NOL4L: variants seen among roughly 807,000 people sequenced by gnomAD.
NOL4L encodes nucleolar protein 4 like, also known as nucleolar protein 4-like.
NOL4L carries 7 observed loss-of-function variants against 64.5 expected under a neutral mutation model. The observed-to-expected ratio is 0.11, with a 90% confidence interval of 0.06 to 0.20. NOL4L has a LOEUF of 0.20. NOL4L is among the 10% of genes least tolerant of loss of function. The pLI is 1.00. For synonymous variants in NOL4L, 413 were observed against 401.0 expected (o/e 1.03, Z -0.36); for missense variants, 680 against 967.1 (o/e 0.70, Z 3.94).
intron 1 of NOL4L, among the ~76,000 whole-genome samples, chr20:32,567,565 C>G (rs1413031152): frequency 6.6e-6 from 1 of 152,224 alleles, no homozygotes; most frequent in East Asian, 1.9e-4. Flanking sequence ...CTGAGTCCCC[C>G]ACAGAGGGAG....
chr20:32,473,617 G>C (rs1330435806), intron 5 of NOL4L, among the ~76,000 whole-genome samples: 1 of 152,190 alleles, frequency 6.6e-6, no homozygotes, highest in Non-Finnish European at 1.5e-5. Flanking sequence ...CAGGCGCGCA[G>C]GTTCTGCCAT....
chr20:32,492,232 T>C (rs1262231092), intron 4 of NOL4L, among the ~76,000 whole-genome samples: 1 of 152,132 alleles, frequency 6.6e-6, no homozygotes, highest in East Asian at 1.9e-4. Context: ...CCCCATACCA[T>C]GAAATATTAC....
At chr20:32,543,051 A>G (rs1020471878) in intron 1 of NOL4L, among the ~76,000 whole-genome samples, 5 of 152,268 alleles carry the variant, frequency 3.3e-5, no homozygotes, top group Non-Finnish European at 7.4e-5. Flanking sequence ...GCTAGTGATC[A>G]TTACCATGTC....
At chr20:32,454,926 T>C (rs2013330397) in intron 6 of NOL4L, among the ~76,000 whole-genome samples, 1 of 152,162 alleles carries the variant, frequency 6.6e-6, no homozygotes, top group Non-Finnish European at 1.5e-5. Context: ...CCGCCAGGCC[T>C]CTCTCCCTGG....
intron 1 of NOL4L, among the ~76,000 whole-genome samples, chr20:32,539,934 C>A (rs754449397): frequency 6.6e-6 from 1 of 152,216 alleles, no homozygotes; most frequent in African/African-American, 2.4e-5. Context: ...CTCTCCTGCC[C>A]CTCGGCCGGG....
intron 2 of NOL4L, among the ~76,000 whole-genome samples, chr20:32,527,035 T>C (rs934249263): frequency 1.3e-5 from 2 of 152,194 alleles, no homozygotes; most frequent in African/African-American, 4.8e-5. Context: ...GTTGCCTTTT[T>C]TGCCCTTATG....
chr20:32,584,534 G>A (rs1010936395), intron 1 of NOL4L, 36 bp downstream of exon 1: 263 of 1,303,558 alleles, frequency 2.0e-4, no homozygotes, highest in Non-Finnish European at 2.6e-4. Context: ...AAGCCCCGCG[G>A]CGGGACCCGC....
chr20:32,453,691 G>C lies in NOL4L; in HGVS notation c.1190C>G (p.Thr397Arg). 2 of 1,566,750 alleles carry C rather than the reference G, an allele frequency of 1.3e-6. No individual in the cohort carries two copies. The highest frequency in any genetic ancestry group is 8.7e-7 in the Non-Finnish European group (1 of 1,155,596). Residue 397 changes from threonine (T) to arginine (R), a missense_variant, in exon 7 of 11, where the codon ACA becomes AGA. This residue lies in a region of NOL4L where 254 missense variants were observed against 238.7 expected (regional missense o/e 1.06). Coordinates refer to ENST00000621426, the MANE Select transcript of NOL4L (RefSeq NM_001256798.2). The surrounding 1 kb of genome is among the most constrained non-coding windows in gnomAD (Gnocchi z 5.6). ...TEVSGCPEDLTVGRAPTADDD... is the reference protein window; with the variant it reads ...TEVSGCPEDLRVGRAPTADDD... ...ATCTGCCGTCGGGGCCCGGCCCACT[G>C]TCAGGTCCTCAGGGCAGCCGCTGAC...
intron 1 of NOL4L, among the ~76,000 whole-genome samples, chr20:32,577,054 T>A (rs1980163554): frequency 6.6e-6 from 1 of 152,170 alleles, no homozygotes; most frequent in Non-Finnish European, 1.5e-5. Context: ...CTGTGGGCCT[T>A]GAGGAGGTTC....
chr20:32,566,406 C>T (rs539748792), intron 1 of NOL4L, among the ~76,000 whole-genome samples: 173 of 144,468 alleles, frequency 1.2e-3, no homozygotes, highest in African/African-American at 4.2e-3. Flanking sequence ...TGCCCCAGCC[C>T]CACCTACAAG....
rs2012987601 is a variant in NOL4L at position 32,452,217 on chromosome 20, C to T, written c.1822+19G>A. The T allele has an allele frequency of 6.6e-7, 1 of 1,504,740 alleles. No homozygotes were observed. The highest frequency in any genetic ancestry group is 1.4e-5 in the African/African-American group (1 of 71,174). 93.2% of individuals were successfully genotyped at this position (1,504,740 alleles called of 1,614,324 possible). A position where few individuals can be genotyped will look rare whatever the true frequency, so the allele number is the denominator to read the frequency against. ...GGGTGCTGGTCGGGAAGCCAGAGCC[C>T]AGGCCTCCCCCGACTCACCATTACT... is the stretch of plus-strand genomic sequence containing the variant. On this transcript the variant is annotated intron_variant, in intron 10 of 10. Coordinates refer to ENST00000621426, the MANE Select transcript of NOL4L (RefSeq NM_001256798.2).
At chr20:32,521,639 GGA>G (rs1269379278) in intron 2 of NOL4L, among the ~76,000 whole-genome samples, 1 of 152,182 alleles carries the variant, frequency 6.6e-6, no homozygotes, top group African/African-American at 2.4e-5. Flanking sequence ...GAGGGCTGGG[GGA>G]GAGACACAAA....
chr20:32,484,762 T>A (rs981385647), intron 4 of NOL4L, among the ~76,000 whole-genome samples: 1 of 151,910 alleles, frequency 6.6e-6, no homozygotes, highest in South Asian at 2.1e-4. Flanking sequence ...CCACGCGGAT[T>A]CCAGATGCGG....
intron 2 of NOL4L, among the ~76,000 whole-genome samples, chr20:32,525,912 C>A (rs988081255): frequency 6.6e-6 from 1 of 152,180 alleles, no homozygotes; most frequent in Non-Finnish European, 1.5e-5. Flanking sequence ...CATGCGCCAC[C>A]ATGCCCAGCT....
chr20:32,461,411 CCTTTCTTTT>C (rs2014036375), intron 5 of NOL4L, among the ~76,000 whole-genome samples: 2 of 106,590 alleles, frequency 1.9e-5, no homozygotes, highest in South Asian at 2.9e-4. Flanking sequence ...GACCCCTCTA[CCTTTCTTTT>C]CTTTTTTTTT....
chr20:32,584,620 G>T lies in NOL4L; in HGVS notation c.271C>A (p.Arg91=). The T allele has an allele frequency of 1.3e-6, 2 of 1,532,150 alleles. No individual in the cohort carries two copies. Among genetic ancestry groups the T allele is most frequent in the South Asian group, 2.4e-5 (2 of 82,216 alleles). 94.9% of individuals were successfully genotyped at this position (1,532,150 alleles called of 1,614,324 possible). The change falls in exon 1 of 11, where the codon CGG becomes AGG. Residue 91 remains arginine, a synonymous_variant. Transcript: ENST00000621426. ...ACCACTTGGCCCATCTTGGGTTCCC[G>T]GCCGCTGCCCAGGCGGAAGCCCTTG... is the stretch of plus-strand genomic sequence containing the variant. ...RSKGFRLGSG[R]EPKMGQVVYV...
chr20:32,576,312 A>G (rs1297946239), intron 1 of NOL4L, among the ~76,000 whole-genome samples: 1 of 152,204 alleles, frequency 6.6e-6, no homozygotes, highest in Non-Finnish European at 1.5e-5. Flanking sequence ...GAGGCAGTGG[A>G]GGCCATGAGA....
At chr20:32,518,033 C>T (rs1264018689) in intron 3 of NOL4L, among the ~76,000 whole-genome samples, 1 of 152,148 alleles carries the variant, frequency 6.6e-6, no homozygotes. Flanking sequence ...AGAGAGGTTC[C>T]CTGTCCTGCC....
chr20:32,578,064 C>T (rs532176110), intron 1 of NOL4L, among the ~76,000 whole-genome samples: 13 of 145,372 alleles, frequency 8.9e-5, no homozygotes, highest in African/African-American at 2.6e-4. Context: ...CCATGGGAGG[C>T]GGAGGTTGCA....
Sources: gnomAD v4.1 joint callset for allele counts (sites outside exome capture counted in the v4.1 genomes callset) on GRCh38, gnomAD v4.1.1 for gene constraint, gnomAD v4.1.1 regional missense constraint, Gnocchi (gnomAD v3.1) non-coding constraint, MANE v1.5 for transcripts, NCBI Gene and HGNC (gene_info 2026-07-23, HGNC 2026-07-21) for gene names.